The following CASQ2 variants were observed in gnomAD, a reference collection of about 807,000 sequenced individuals.
The protein encoded by CASQ2 is calsequestrin 2.
In CASQ2, 49 loss-of-function variants were observed where a neutral mutation model predicts 46.5. That is an observed-to-expected ratio of 1.05 (90% CI 0.84 to 1.34). CASQ2 has a LOEUF of 1.34. Ranked by LOEUF, CASQ2 falls within the 40% of genes most tolerant of loss-of-function variation. The pLI is 0.00. For missense variants in CASQ2, 486 were observed against 481.3 expected, an observed-to-expected ratio of 1.01 and a Z score of -0.09; for synonymous variants, 174 against 168.5, an observed-to-expected ratio of 1.03 and a Z score of -0.25.
chr1:115,721,612 C>T lies in CASQ2; in HGVS notation c.784-3718G>A, dbSNP rs144307641. 1.8e-4 allele frequency among the ~76,000 whole-genome samples: 28 copies of T among 152,184 alleles called. 1 individual carries two copies. The South Asian group carries it at 5.4e-3, about 29-fold the overall frequency. On this transcript the variant is annotated intron_variant, in intron 7 of 10. Coordinates refer to ENST00000261448, the MANE Select transcript of CASQ2 (RefSeq NM_001232.4). ...TTCGAAACAGGGTTTCACTCTGTTG[C>T]CCAGGTTGGAGTGCAGTGGCACATC...
Position 115,705,591 on chromosome 1 carries a change from G to A in CASQ2, c.839-299C>T, listed in dbSNP as rs193179161. Among the ~76,000 whole-genome samples, 12 of 152,288 alleles carry A rather than the reference G, an allele frequency of 7.9e-5. No homozygotes were observed. In the East Asian group the frequency reaches 2.1e-3, roughly 27 times the overall value. On this transcript the variant is annotated intron_variant, in intron 8 of 10. Transcript: ENST00000261448. Reference sequence around the variant, plus strand: ...AGCCTTGGGTCAGAAAGTCAGTCACGGAACAGAGAAATTCCTGCCTGTCCT... The same window carrying A: ...AGCCTTGGGTCAGAAAGTCAGTCACAGAACAGAGAAATTCCTGCCTGTCCT...
At chr1:115,760,518 A>T (rs1648901787) in intron 1 of CASQ2, among the ~76,000 whole-genome samples, 1 of 152,194 alleles carries the variant, frequency 6.6e-6, no homozygotes, top group Non-Finnish European at 1.5e-5. Flanking sequence ...GCCTAAAGCA[A>T]TCCTCTAGTC....
chr1:115,739,076 A>AAAG (rs1648073292), intron 3 of CASQ2, among the ~76,000 whole-genome samples: 1 of 146,000 alleles, frequency 6.8e-6, no homozygotes, highest in Non-Finnish European at 1.5e-5. Flanking sequence ...AAAAAAAAAA[A>AAAG]GCTGAATAGT....
At chr1:115,736,922 T>A (rs1271723509) in intron 4 of CASQ2, among the ~76,000 whole-genome samples, 3 of 152,152 alleles carry the variant, frequency 2.0e-5, no homozygotes, top group African/African-American at 7.2e-5. Context: ...AATGTGTTAA[T>A]TAAATACTAT....
intron 3 of CASQ2, among the ~76,000 whole-genome samples, chr1:115,738,647 T>A (rs767568344): frequency 9.2e-5 from 14 of 152,234 alleles, no homozygotes; most frequent in Non-Finnish European, 1.3e-4. Context: ...GTTGCTATGA[T>A]CTATAAATAT....
intron 8 of CASQ2, among the ~76,000 whole-genome samples, chr1:115,708,076 T>C (rs911281833): frequency 6.6e-6 from 1 of 152,224 alleles, no homozygotes; most frequent in Admixed American, 6.5e-5. Context: ...ACTTACCTAC[T>C]ACGTTCCTAT....
chr1:115,739,713 T>A (rs758797804), intron 3 of CASQ2, among the ~76,000 whole-genome samples: 105 of 152,248 alleles, frequency 6.9e-4, no homozygotes, highest in Admixed American at 1.0e-3. Context: ...GAAAACACAG[T>A]TATCTGTGAT....
rs996920418 is a variant in CASQ2 at position 115,726,884 on chromosome 1, G to C, written c.737+108C>G. On this transcript the variant is annotated intron_variant, in intron 6 of 10. Transcript: ENST00000261448. ...TACTACTGAGTTCTGTACTGCTGGGGTACTAACTAGGTTGTTGCTCTTGGC... is the reference window on the plus strand; with the variant it reads ...TACTACTGAGTTCTGTACTGCTGGGCTACTAACTAGGTTGTTGCTCTTGGC... 7.4e-6 allele frequency: 6 copies of C among 815,990 alleles called. No individual in the cohort carries two copies. The Admixed American group carries it at 1.2e-4, about 16-fold the overall frequency. 50.5% of individuals were successfully genotyped at this position (815,990 alleles called of 1,614,324 possible). A position where few individuals can be genotyped will look rare whatever the true frequency, so the allele number is the denominator to read the frequency against.
chr1:115,763,383 T>C (rs1228317702), intron 1 of CASQ2, among the ~76,000 whole-genome samples: 1 of 151,998 alleles, frequency 6.6e-6, no homozygotes, highest in Non-Finnish European at 1.5e-5. Context: ...GAGAGCGACC[T>C]GTGACCGCTG....
chr1:115,728,470 G>T (rs1647670970), intron 5 of CASQ2, among the ~76,000 whole-genome samples: 2 of 152,098 alleles, frequency 1.3e-5, no homozygotes, highest in Non-Finnish European at 2.9e-5. Flanking sequence ...CAGGGGTAGG[G>T]GGGTGATGTA....
chr1:115,744,737 G>T, intron 2 of CASQ2, 91 bp downstream of exon 2: 2 of 820,744 alleles, frequency 2.4e-6, no homozygotes, highest in South Asian at 1.4e-5. Flanking sequence ...AAGATAGTCC[G>T]CTTATGCAAG....
chr1:115,738,143 ATCC>A, intron 4 of CASQ2, 78 bp downstream of exon 4: 1 of 848,884 alleles, frequency 1.2e-6, no homozygotes. Flanking sequence ...CTGAAGACCC[ATCC>A]TCTTTTGGGG....
intron 8 of CASQ2, among the ~76,000 whole-genome samples, chr1:115,716,393 G>A (rs180850828): frequency 3.9e-4 from 60 of 152,166 alleles, no homozygotes; most frequent in African/African-American, 1.4e-3. Context: ...ATTATTTAGG[G>A]GAATGTTTCC....
At chr1:115,757,278 T>C (rs1459761870) in intron 1 of CASQ2, among the ~76,000 whole-genome samples, 1 of 152,194 alleles carries the variant, frequency 6.6e-6, no homozygotes, top group Admixed American at 6.5e-5. Flanking sequence ...CCAGCAACCC[T>C]CCACACAGAA....
rs1654182093 is a variant in CASQ2 at position 115,700,791 on chromosome 1, G to A, written c.*450C>T. On this transcript the variant is annotated 3_prime_UTR_variant, in exon 11 of 11. Coordinates refer to ENST00000261448, the MANE Select transcript of CASQ2 (RefSeq NM_001232.4). ...GGATCCCAACTGATGTTCGAGGTAT[G>A]GAGGGAGCTAAATCATTAATCATGT... 1 of 479,588 alleles carries A rather than the reference G, an allele frequency of 2.1e-6. No individual in the cohort carries two copies. The highest frequency in any genetic ancestry group is 3.7e-5 in the Admixed American group (1 of 26,800). 29.7% of individuals were successfully genotyped at this position (479,588 alleles called of 1,614,324 possible). A position where few individuals can be genotyped will look rare whatever the true frequency, so the allele number is the denominator to read the frequency against.
intron 5 of CASQ2, among the ~76,000 whole-genome samples, chr1:115,730,081 T>G (rs1647734663): frequency 6.6e-6 from 1 of 152,204 alleles, no homozygotes; most frequent in African/African-American, 2.4e-5. Flanking sequence ...TTAGGATTAG[T>G]ATTAATAGAT....
chr1:115,717,980 T>A, intron 7 of CASQ2, 86 bp from the exon 8 acceptor site: 1 of 931,056 alleles, frequency 1.1e-6, no homozygotes, highest in Non-Finnish European at 1.8e-6. Flanking sequence ...GAAGCTGGAA[T>A]GGGAATAGGA....
At chr1:115,725,405 G>T in intron 7 of CASQ2, 103 bp downstream of exon 7, 1 of 1,312,344 alleles carries the variant, frequency 7.6e-7, no homozygotes, top group Non-Finnish European at 1.1e-6. Context: ...ATCCACCTCA[G>T]CCAAATAAAC....
Position 115,766,865 on chromosome 1 carries a change from TGATAGATAGATAGATA to T in CASQ2, c.234+1427_234+1442del, listed in dbSNP as rs58728885. 9.6e-3 allele frequency among the ~76,000 whole-genome samples: 1,387 copies of T among 144,980 alleles called. 15 individuals are homozygous for T. The highest frequency in any genetic ancestry group is 0.036 in the South Asian group (158 of 4,392). On this transcript the variant is annotated intron_variant, in intron 1 of 10. Transcript: ENST00000261448. The stretch of plus-strand genomic sequence containing the variant: ...CAGATATACTTGGGGGAGCTAGAGA[TGATAGATAGATAGATA>T]GATAGATAGATAGATAGATAGATAG...
Sources: gnomAD v4.1 joint callset for allele counts (sites outside exome capture counted in the v4.1 genomes callset) on GRCh38, gnomAD v4.1.1 for gene constraint, MANE v1.5 for transcripts, NCBI Gene and HGNC (gene_info 2026-07-23, HGNC 2026-07-21) for gene names.